The following MED12L variants were observed in gnomAD, a reference collection of about 807,000 sequenced individuals.
The protein encoded by MED12L is mediator of RNA polymerase II transcription subunit 12-like protein.
In MED12L, 60 loss-of-function variants were observed where a neutral mutation model predicts 281.3. The ratio of observed to expected loss-of-function variants is 0.21; its 90% CI spans 0.17 to 0.26. MED12L has a LOEUF of 0.26. MED12L is among the 10% of genes least tolerant of loss of function. The pLI is 1.00. For missense variants in MED12L, 2,146 were observed against 2,680.9 expected (o/e 0.80, Z 4.41); for synonymous variants, 974 against 987.2 (o/e 0.99, Z 0.25).
chr3:151,140,709 T>G (rs1285064225), intron 5 of MED12L, among the ~76,000 whole-genome samples: 1 of 152,186 alleles, frequency 6.6e-6, no homozygotes, highest in Admixed American at 6.5e-5. Context: ...AGACAGAGTC[T>G]TGTTCTGTCG....
chr3:151,088,497 G>A (rs569407874), intron 2 of MED12L, among the ~76,000 whole-genome samples: 1 of 152,264 alleles, frequency 6.6e-6, no homozygotes, highest in South Asian at 2.1e-4. Flanking sequence ...TATTTTGTTG[G>A]TTGAACTTTA....
chr3:151,133,277 G>A (rs571918911), intron 5 of MED12L, among the ~76,000 whole-genome samples: 1 of 152,188 alleles, frequency 6.6e-6, no homozygotes, highest in South Asian at 2.1e-4. Flanking sequence ...TTTTCCCAAA[G>A]TTAAGTGGGC....
intron 16 of MED12L, among the ~76,000 whole-genome samples, chr3:151,229,028 A>G (rs1294391494): frequency 1.3e-5 from 2 of 152,200 alleles, no homozygotes; most frequent in Admixed American, 6.5e-5. Context: ...GATGAAGACA[A>G]ATTTCCATGT....
chr3:151,226,063 G>A (rs1004332976), intron 16 of MED12L, among the ~76,000 whole-genome samples: 1 of 152,176 alleles, frequency 6.6e-6, no homozygotes, highest in African/African-American at 2.4e-5. Context: ...GAACTCTCAG[G>A]AAGATTCCAG....
chr3:151,363,977 T>A (rs1274105107), intron 21 of MED12L, among the ~76,000 whole-genome samples: 5 of 152,126 alleles, frequency 3.3e-5, no homozygotes, highest in Non-Finnish European at 7.4e-5. Flanking sequence ...TGGCTGCCAT[T>A]GATGCAAGTA....
chr3:151,140,166 A>G lies in MED12L; in HGVS notation c.556+12182A>G, dbSNP rs532834711. On this transcript the variant is annotated intron_variant, in intron 5 of 44. Coordinates refer to ENST00000687756, the MANE Select transcript of MED12L (RefSeq NM_001393769.1). Reference sequence around the variant, plus strand: ...CTTAAATGAAGTAGATGTTCTTTGTAAAAATTGGAAGACCTCTAATATTTT... The same window carrying G: ...CTTAAATGAAGTAGATGTTCTTTGTGAAAATTGGAAGACCTCTAATATTTT... Among the ~76,000 whole-genome samples the G allele has an allele frequency of 2.0e-5, 3 of 152,340 alleles. No individual in the cohort carries two copies. The East Asian group carries it at 5.8e-4, about 29-fold the overall frequency.
At position 151,434,683 on chromosome 3, in the gene MED12L, T is replaced by C. The variant is rs932833643; in HGVS notation, c.*1879T>C. ...TCAACCGAAATGTGAATGTTGTGCC[T>C]AGTGAGTGAGTCATGTTCCATCATT... On this transcript the variant is annotated 3_prime_UTR_variant, in exon 45 of 45. Transcript: ENST00000687756. 1 of 152,238 alleles carries C rather than the reference T, an allele frequency of 6.6e-6. No homozygotes were observed. Among genetic ancestry groups the C allele is most frequent in the African/African-American group, 2.4e-5 (1 of 41,474 alleles). 9.4% of individuals were successfully genotyped at this position (152,238 alleles called of 1,614,324 possible). A position where few individuals can be genotyped will look rare whatever the true frequency, so the allele number is the denominator to read the frequency against.
intron 5 of MED12L, among the ~76,000 whole-genome samples, chr3:151,128,897 A>C (rs1714937488): frequency 6.6e-6 from 1 of 152,246 alleles, no homozygotes; most frequent in Non-Finnish European, 1.5e-5. Context: ...CCAAGTCCCC[A>C]GTGTCCAGAG....
chr3:151,131,381 G>A (rs1040727746), intron 5 of MED12L, among the ~76,000 whole-genome samples: 1 of 152,176 alleles, frequency 6.6e-6, no homozygotes, highest in East Asian at 1.9e-4. Context: ...CAGGAAGATC[G>A]CTTGAGCCCA....
chr3:151,094,076 C>T (rs1199671518), intron 2 of MED12L, among the ~76,000 whole-genome samples: 3 of 152,146 alleles, frequency 2.0e-5, no homozygotes, highest in Admixed American at 6.5e-5. Flanking sequence ...TAGTGCCACC[C>T]GCAGGTGTGT....
chr3:151,312,292 C>G (rs1747655342), intron 16 of MED12L, among the ~76,000 whole-genome samples: 1 of 152,170 alleles, frequency 6.6e-6, no homozygotes, highest in Non-Finnish European at 1.5e-5. Flanking sequence ...TCTTGGATCT[C>G]TCTTTTTAGT....
rs188838271 is a variant in MED12L, at chr3:151,434,493, A to G, written c.*1689A>G. 1 of 146,228 alleles carries G rather than the reference A, an allele frequency of 6.8e-6. No homozygotes were observed. The highest frequency in any genetic ancestry group is 2.0e-4 in the East Asian group (1 of 4,970). The allele number at this position is 146,228 out of a possible 1,614,324, so 9.1% of individuals were successfully genotyped here. A position where few individuals can be genotyped will look rare whatever the true frequency, so the allele number is the denominator to read the frequency against. ...CAAAACATTAAAAACTATTCTTTTC[A>G]CTAAATTAATAGTCTATCTGCTTTC... On this transcript the variant is annotated 3_prime_UTR_variant, in exon 45 of 45. Transcript: ENST00000687756.
At chr3:151,169,719 G>A (rs1721190229) in intron 11 of MED12L, among the ~76,000 whole-genome samples, 1 of 152,160 alleles carries the variant, frequency 6.6e-6, no homozygotes, top group Non-Finnish European at 1.5e-5. Flanking sequence ...TCTCTGATAA[G>A]GAGTTACGTG....
At chr3:151,388,338 C>T (rs1412976465) in intron 37 of MED12L, among the ~76,000 whole-genome samples, 166 bp downstream of exon 37, 1 of 152,158 alleles carries the variant, frequency 6.6e-6, no homozygotes, top group East Asian at 1.9e-4. Flanking sequence ...AATGACTTGT[C>T]ACAGACAAAA....
At chr3:151,381,338 T>C (rs1470640347) in intron 32 of MED12L, among the ~76,000 whole-genome samples, 1 of 152,236 alleles carries the variant, frequency 6.6e-6, no homozygotes, top group Non-Finnish European at 1.5e-5. Flanking sequence ...AGTGAACCTT[T>C]TTAAATGGAA....
At chr3:151,246,417 A>T (rs1168423338) in intron 16 of MED12L, among the ~76,000 whole-genome samples, 46 of 152,152 alleles carry the variant, frequency 3.0e-4, no homozygotes, top group Non-Finnish European at 8.8e-5. Context: ...TGGTACCAAA[A>T]CAGAGATATA....
At chr3:151,260,091 G>A (rs759748071) in intron 16 of MED12L, among the ~76,000 whole-genome samples, 3 of 152,174 alleles carry the variant, frequency 2.0e-5, no homozygotes, top group Non-Finnish European at 4.4e-5. Flanking sequence ...TGATGGGTGG[G>A]ACTGGGGACA....
intron 42 of MED12L, among the ~76,000 whole-genome samples, chr3:151,414,958 T>C (rs1009071679): frequency 2.0e-5 from 3 of 152,222 alleles, no homozygotes; most frequent in Admixed American, 6.5e-5. Context: ...CTATTATCAT[T>C]ACTATGAGTA....
chr3:151,161,649 A>G (rs965959789), intron 8 of MED12L, among the ~76,000 whole-genome samples: 1 of 152,240 alleles, frequency 6.6e-6, no homozygotes, highest in African/African-American at 2.4e-5. Flanking sequence ...TATGTTATTA[A>G]GTCATTTAGT....
Sources: gnomAD v4.1 joint callset for allele counts (sites outside exome capture counted in the v4.1 genomes callset) on GRCh38, gnomAD v4.1.1 for gene constraint, MANE v1.5 for transcripts, NCBI Gene and HGNC (gene_info 2026-07-23, HGNC 2026-07-21) for gene names.